MOBP: variants seen among roughly 807,000 people sequenced by gnomAD.
MOBP encodes myelin-associated oligodendrocyte basic protein.
MOBP carries 5 observed loss-of-function variants against 15.0 expected under a neutral mutation model. The observed-to-expected ratio is 0.33, with a 90% CI of 0.17 to 0.70. The LOEUF is 0.70. Among genes scored for constraint, MOBP ranks in the 30% least tolerant of loss-of-function variants. The pLI, the probability that MOBP is intolerant of heterozygous loss-of-function variation, is 0.67. For missense variants in MOBP, 188 were observed against 257.8 expected (o/e 0.73, Z 1.85); for synonymous variants, 88 against 99.0 (o/e 0.89, Z 0.66).
At chr3:39,510,047 C>T (rs1373505863) in intron 4 of MOBP, among the ~76,000 whole-genome samples, 1 of 151,968 alleles carries the variant, frequency 6.6e-6, no homozygotes, top group African/African-American at 2.4e-5. Context: ...TTGCATATGG[C>T]TCAATTTTTT....
intron 4 of MOBP, among the ~76,000 whole-genome samples, chr3:39,510,850 C>T (rs1279539600): frequency 6.6e-6 from 1 of 152,166 alleles, no homozygotes; most frequent in African/African-American, 2.4e-5. Flanking sequence ...AATATTTTAA[C>T]AAGATTAAAT....
At chr3:39,479,245 T>C (rs1314847001) in intron 1 of MOBP, among the ~76,000 whole-genome samples, 1 of 152,184 alleles carries the variant, frequency 6.6e-6, no homozygotes, top group African/African-American at 2.4e-5. Flanking sequence ...TTAAAACTCT[T>C]ACAAAGATTT....
intron 2 of MOBP, among the ~76,000 whole-genome samples, chr3:39,501,039 A>G (rs2042963029): frequency 6.6e-6 from 1 of 152,236 alleles, no homozygotes; most frequent in South Asian, 2.1e-4. Context: ...TTCTATTTGT[A>G]GTAGAAGACA....
chr3:39,482,968 TC>T (rs941579142), intron 2 of MOBP, among the ~76,000 whole-genome samples: 1 of 152,096 alleles, frequency 6.6e-6, no homozygotes, highest in African/African-American at 2.4e-5. Flanking sequence ...GCTCCTACCC[TC>T]CAAAAAGCCT....
At chr3:39,483,516 T>C (rs2042656462) in intron 2 of MOBP, among the ~76,000 whole-genome samples, 1 of 152,218 alleles carries the variant, frequency 6.6e-6, no homozygotes. Context: ...TCACTAGTTG[T>C]AGGTGGAGCA....
In MOBP at chr3:39,468,731, C is replaced by T. The variant is rs61053217; in HGVS notation, c.-89+991C>T. Among the ~76,000 whole-genome samples, 105 of 124,958 alleles carry T rather than the reference C, an allele frequency of 8.4e-4. 13 individuals carry two copies. The Middle Eastern group carries it at 0.015, about 18-fold the overall frequency. The allele number at this position is 124,958 out of a possible 152,430, so 82.0% of individuals were successfully genotyped here. A position where few individuals can be genotyped will look rare whatever the true frequency, so the allele number is the denominator to read the frequency against. ...ATATGTGTGTGTATATACATATATA[C>T]ATATGTGTGTGTATATATACATATA... On this transcript the variant is annotated intron_variant, in intron 1 of 3. Transcript: ENST00000684792.
intron 2 of MOBP, among the ~76,000 whole-genome samples, chr3:39,491,373 T>C (rs2125643107): frequency 6.6e-6 from 1 of 152,304 alleles, no homozygotes; most frequent in East Asian, 1.9e-4. Context: ...ATGTAATCTA[T>C]CTCCTAGGAT....
chr3:39,471,019 G>A (rs535735016), intron 1 of MOBP, among the ~76,000 whole-genome samples: 3 of 152,164 alleles, frequency 2.0e-5, no homozygotes, highest in Admixed American at 1.3e-4. Flanking sequence ...TGTTCAGGGC[G>A]TGGCTAGCTA....
chr3:39,506,470 TA>T (rs143313621), downstream of MOBP, among the ~76,000 whole-genome samples: 2 of 151,342 alleles, frequency 1.3e-5, no homozygotes, highest in African/African-American at 4.9e-5. Flanking sequence ...AAGAGCCAAT[TA>T]AAAAAAAGCA....
At chr3:39,526,895 G>T (rs1015766885), downstream of MOBP, 6 of 149,290 alleles carry the variant, frequency 4.0e-5, no homozygotes, top group African/African-American at 1.5e-4. Flanking sequence ...TCCTGCCTCA[G>T]CCTCCCAAGT....
At position 39,502,384 on chromosome 3, in the gene MOBP, G is replaced by T; in HGVS notation, c.206+109G>T. 1.3e-6 allele frequency: 2 copies of T among 1,547,336 alleles called. No individual in the cohort carries two copies. The highest frequency in any genetic ancestry group is 1.7e-6 in the Non-Finnish European group (2 of 1,149,662). Reference sequence around the variant, plus strand: ...CACTCTTCCCCCTAGTCGGCTCCGGGTTAGGCTCCGACACCGGAAGGCACT... The same window carrying T: ...CACTCTTCCCCCTAGTCGGCTCCGGTTTAGGCTCCGACACCGGAAGGCACT... On this transcript the variant is annotated intron_variant, in intron 3 of 3. Coordinates refer to ENST00000684792, the MANE Select transcript of MOBP (RefSeq NM_001393704.1). This position sits in a 1 kb window ranked among gnomAD's most constrained non-coding sequence, Gnocchi z 6.3.
intron 1 of MOBP, among the ~76,000 whole-genome samples, chr3:39,478,975 G>A (rs555203359): frequency 2.0e-5 from 3 of 151,788 alleles, no homozygotes; most frequent in Non-Finnish European, 2.9e-5. Flanking sequence ...GATTACAGGC[G>A]CCTGCCACCA....
In MOBP at chr3:39,502,633, G is replaced by C; in HGVS notation, c.305G>C (p.Arg102Thr). ...CCAGCCAAGCCACGGTCCCCTCCGAGGTCTGAGCGTCAGCCACGGTCCCCT... is the reference window on the plus strand; with the variant it reads ...CCAGCCAAGCCACGGTCCCCTCCGACGTCTGAGCGTCAGCCACGGTCCCCT... The part of the protein sequence containing the change: ...RAPAKPRSPP[R>T]SERQPRSPPR... The change falls in exon 4 of 4, where the codon AGG becomes ACG. Residue 102 changes from arginine to threonine, a missense_variant. This residue lies in a region of MOBP where 133 missense variants were observed against 212.5 expected (regional missense o/e 0.63). Coordinates refer to ENST00000684792, the MANE Select transcript of MOBP (RefSeq NM_001393704.1). The surrounding 1 kb of genome is among the most constrained non-coding windows in gnomAD (Gnocchi z 6.3). 6.5e-7 allele frequency: 1 copy of C among 1,545,052 alleles called. No individual in the cohort carries two copies. Among genetic ancestry groups the C allele is most frequent in the Non-Finnish European group, 8.7e-7 (1 of 1,152,756 alleles).
intron 2 of MOBP, among the ~76,000 whole-genome samples, chr3:39,481,195 T>C (rs1224381315): frequency 6.6e-6 from 1 of 152,212 alleles, no homozygotes; most frequent in African/African-American, 2.4e-5. Context: ...TGGAGCAGAT[T>C]TGTATTTCTG....
intron 2 of MOBP, among the ~76,000 whole-genome samples, chr3:39,484,144 G>A (rs1198371198): frequency 6.6e-6 from 1 of 152,180 alleles, no homozygotes; most frequent in African/African-American, 2.4e-5. Flanking sequence ...AAATCTTTTT[G>A]GGGGATCAAA....
chr3:39,469,884 A>G (rs946410), intron 1 of MOBP, among the ~76,000 whole-genome samples: 17,341 of 152,250 alleles, frequency 0.11, 1,912 homozygotes, highest in African/African-American at 0.28. Flanking sequence ...CCAAGGAATC[A>G]CCAAAAGTGT....
chr3:39,525,050 T>A (rs1183797749), downstream of MOBP: 7 of 152,144 alleles, frequency 4.6e-5, no homozygotes, highest in Non-Finnish European at 8.8e-5. Flanking sequence ...ACACTTTTCT[T>A]ATAATGCAAT....
At chr3:39,477,789 G>A (rs1441222067) in intron 1 of MOBP, among the ~76,000 whole-genome samples, 2 of 151,664 alleles carry the variant, frequency 1.3e-5, no homozygotes, top group African/African-American at 4.9e-5. Flanking sequence ...TTGACCCTGT[G>A]TAGGCCTAAG....
At chr3:39,500,679 A>G (rs1708064) in intron 2 of MOBP, among the ~76,000 whole-genome samples, 41,941 of 151,958 alleles carry the variant, frequency 0.28, 6,937 homozygotes, top group African/African-American at 0.46. Context: ...GAGGGAAAAA[A>G]TATTAATACC....
Sources: allele counts gnomAD v4.1 joint callset (sites outside exome capture counted in the v4.1 genomes callset), GRCh38; gene constraint gnomAD v4.1.1; regional missense constraint gnomAD v4.1.1; non-coding constraint Gnocchi (gnomAD v3.1); transcripts MANE v1.5; gene names NCBI Gene and HGNC (gene_info 2026-07-23, HGNC 2026-07-21).